PCSK1: variants seen among roughly 807,000 people sequenced by gnomAD.
The protein encoded by PCSK1 is proprotein convertase subtilisin/kexin type 1, also known as neuroendocrine convertase 1.
Under a neutral mutation model 90.6 loss-of-function variants are expected in PCSK1, and 56 were observed. That is an observed-to-expected ratio of 0.62 (90% CI 0.50 to 0.77). PCSK1 has a LOEUF of 0.77. Among genes scored for constraint, PCSK1 ranks in the 30% least tolerant of loss-of-function variants. The pLI is 0.00. For missense variants in PCSK1, 801 were observed against 932.6 expected (o/e 0.86, Z 1.84); for synonymous variants, 348 against 342.4 (o/e 1.02, Z -0.18).
chr5:96,406,853 C>A (rs1380075610), intron 9 of PCSK1, among the ~76,000 whole-genome samples: 1 of 152,138 alleles, frequency 6.6e-6, no homozygotes, highest in African/African-American at 2.4e-5. Flanking sequence ...ACCATAGCAC[C>A]TGACTTGACA....
Position 96,433,243 on chromosome 5 carries a change from C to A in PCSK1, c.-201G>T. On this transcript the variant is annotated 5_prime_UTR_variant, in exon 1 of 14. Coordinates refer to ENST00000311106, the MANE Select transcript of PCSK1 (RefSeq NM_000439.5). Reference sequence around the variant, plus strand: ...TCAGTGAAGCGCTTCGGTCTCCAGGCTGAGTGGAGCCCCAGCCCTTCCCAG... The same window carrying A: ...TCAGTGAAGCGCTTCGGTCTCCAGGATGAGTGGAGCCCCAGCCCTTCCCAG... The A allele has an allele frequency of 1.6e-6, 1 of 614,672 alleles. No homozygotes were observed. Among genetic ancestry groups the A allele is most frequent in the South Asian group, 1.9e-5 (1 of 53,800 alleles). 38.1% of individuals were successfully genotyped at this position (614,672 alleles called of 1,614,324 possible).
intron 1 of PCSK1, among the ~76,000 whole-genome samples, chr5:96,431,214 G>C (rs749283028): frequency 1.3e-5 from 2 of 152,112 alleles, no homozygotes; most frequent in Middle Eastern, 3.2e-3. Flanking sequence ...TAATAATTGC[G>C]TGCAATTCCC....
At chr5:96,426,499 G>A (rs1163582752) in intron 2 of PCSK1, among the ~76,000 whole-genome samples, 1 of 152,030 alleles carries the variant, frequency 6.6e-6, no homozygotes, top group Non-Finnish European at 1.5e-5. Flanking sequence ...ACAGATCCTG[G>A]GTGATGAATG....
intron 6 of PCSK1, chr5:96,412,995 C>T (rs1257243531): frequency 1.0e-6 from 1 of 993,152 alleles, no homozygotes; most frequent in East Asian, 1.1e-4. Flanking sequence ...ATGGCTGTGG[C>T]CCAGTCTACG....
At chr5:96,421,394 C>T (rs1761124542) in intron 5 of PCSK1, among the ~76,000 whole-genome samples, 1 of 72,334 alleles carries the variant, frequency 1.4e-5, no homozygotes, top group South Asian at 4.4e-4. Flanking sequence ...ACCTCAGAGG[C>T]ATTTCTCTGT....
At position 96,408,283 on chromosome 5, in the gene PCSK1, G is replaced by A; in HGVS notation, c.1136C>T (p.Thr379Ile). 1 of 1,614,104 alleles carries A rather than the reference G, an allele frequency of 6.2e-7. No individual in the cohort carries two copies. The highest frequency in any genetic ancestry group is 8.5e-7 in the Non-Finnish European group (1 of 1,179,970). The change falls in exon 9 of 14, where the codon ACA becomes ATA. Residue 379 changes from threonine (T) to isoleucine (I), a missense_variant. By Grantham distance (89) the Thr-to-Ile change is moderately conservative (BLOSUM62 -1). Transcript: ENST00000311106. Reference sequence around the variant, plus strand: ...CAGAGGTGCAGAGGCCGAGGTGCCTGTGTGCGTCTCCGTGCAGTCATTGTG... The same window carrying A: ...CAGAGGTGCAGAGGCCGAGGTGCCTATGTGCGTCTCCGTGCAGTCATTGTG... ...DLHNDCTETH[T>I]GTSASAPLAA...
intron 5 of PCSK1, among the ~76,000 whole-genome samples, chr5:96,416,760 C>CCCCAGG (rs1760949838): frequency 1.3e-5 from 2 of 152,160 alleles, no homozygotes; most frequent in African/African-American, 4.8e-5. Context: ...TCCTGAAATC[C>CCCCAGG]CAACTGGGGC....
chr5:96,408,243 G>T lies in PCSK1; in HGVS notation c.1176C>A (p.Phe392Leu), dbSNP rs984628674. 5 of 1,613,846 alleles carry T rather than the reference G, an allele frequency of 3.1e-6. No homozygotes were observed. In the South Asian group the frequency reaches 5.5e-5, roughly 18 times the overall value. ...SASAPLAAGI[F>L]ALALEANPNL... Reference sequence around the variant, plus strand: ...CTTACTTTGCTTCCAGGGCCAGAGCGAAGATGCCAGCAGCCAGAGGTGCAG... The same window carrying T: ...CTTACTTTGCTTCCAGGGCCAGAGCTAAGATGCCAGCAGCCAGAGGTGCAG... The change falls in exon 9 of 14, where the codon TTC becomes TTA. Residue 392 changes from phenylalanine (F) to leucine (L), a missense_variant. By Grantham distance (22) the Phe-to-Leu change is conservative (BLOSUM62 0). Transcript: ENST00000311106.
Position 96,423,320 on chromosome 5 carries a change from G to A in PCSK1, c.536C>T (p.Ala179Val). ...GLEWNHTDIY[A>V]NYDPEASYDF... Reference sequence around the variant, plus strand: ...GAGAAGGCACACACTTACATAGTTGGCATAAATGTCCGTGTGATTCCACTC... The same window carrying A: ...GAGAAGGCACACACTTACATAGTTGACATAAATGTCCGTGTGATTCCACTC... The change falls in exon 4 of 14, where the codon GCC (alanine) becomes GTC (valine). Residue 179 changes from alanine to valine, a missense_variant. Physicochemically the swap from Ala to Val is moderately conservative, Grantham distance 64. Coordinates refer to ENST00000311106, the MANE Select transcript of PCSK1 (RefSeq NM_000439.5). 1.9e-6 allele frequency: 3 copies of A among 1,608,686 alleles called. No homozygotes were observed. Among genetic ancestry groups the A allele is most frequent in the Non-Finnish European group, 2.5e-6 (3 of 1,177,094 alleles).
chr5:96,427,565 T>G (rs894363164), intron 2 of PCSK1, among the ~76,000 whole-genome samples: 7 of 152,166 alleles, frequency 4.6e-5, no homozygotes, highest in Non-Finnish European at 1.0e-4. Flanking sequence ...ATTCTTAGCA[T>G]TTTTTCATAA....
At chr5:96,410,739 A>G in intron 8 of PCSK1, 35 bp downstream of exon 8, 1 of 1,521,268 alleles carries the variant, frequency 6.6e-7, no homozygotes, top group South Asian at 1.1e-5. Context: ...ACGCTCTCCT[A>G]ACTAAGCAGA....
intron 5 of PCSK1, 59 bp from the exon 6 acceptor site, chr5:96,416,180 T>G: frequency 8.6e-7 from 1 of 1,158,184 alleles, no homozygotes; most frequent in East Asian, 2.3e-5. Flanking sequence ...TTGTTTTGCA[T>G]ATGAATGAAT....
Position 96,398,963 on chromosome 5 carries a change from T to G in PCSK1, c.1504A>C (p.Lys502Gln). 6.2e-7 allele frequency: 1 copy of G among 1,611,932 alleles called. No homozygotes were observed. The highest frequency in any genetic ancestry group is 1.3e-5 in the African/African-American group (1 of 75,012). The change falls in exon 11 of 14, where the codon AAG becomes CAG. Residue 502 changes from lysine (K) to glutamine (Q), a missense_variant. By Grantham distance (53) the Lys-to-Gln change is moderately conservative. Coordinates refer to ENST00000311106, the MANE Select transcript of PCSK1 (RefSeq NM_000439.5). Reference sequence around the variant, plus strand: ...TCAAATTGTACATGCTCCAGGGACTTGATAGCATTTTCTTGTCCTTCACAA... The same window carrying G: ...TCAAATTGTACATGCTCCAGGGACTGGATAGCATTTTCTTGTCCTTCACAA... The part of the protein sequence containing the change: ...RACEGQENAI[K>Q]SLEHVQFEAT...
At chr5:96,419,384 TTA>T (rs10532274) in intron 5 of PCSK1, among the ~76,000 whole-genome samples, 54,940 of 143,878 alleles carry the variant, frequency 0.38, 11,006 homozygotes, top group African/African-American at 0.46. Flanking sequence ...ATAATACTTA[TTA>T]TATATATATA....
rs752976241 is a variant in PCSK1 at position 96,432,924 on chromosome 5, G to T, written c.119C>A (p.Pro40His). The T allele has an allele frequency of 3.1e-6, 5 of 1,614,172 alleles. No individual in the cohort carries two copies. The South Asian group carries it at 5.5e-5, about 18-fold the overall frequency. ...GGCCGAGGCTGCTTCCGGGCCCCCG[G>T]GGATCTCCGCTGCCCATTCATTGAC... ...QFVNEWAAEI[P>H]GGPEAASAIA... Residue 40 changes from proline (P) to histidine (H), a missense_variant, in exon 1 of 14, where the codon CCC becomes CAC. Physicochemically the swap from Pro to His is moderately conservative, Grantham distance 77. Transcript: ENST00000311106.
chr5:96,397,215 A>C (rs940990369), intron 12 of PCSK1, 121 bp downstream of exon 12: 2 of 836,792 alleles, frequency 2.4e-6, no homozygotes, highest in Non-Finnish European at 4.0e-6. Context: ...CTTTTCCCTT[A>C]CTTCTACTAA....
chr5:96,401,990 C>T (rs1760392602), intron 9 of PCSK1, among the ~76,000 whole-genome samples: 1 of 152,102 alleles, frequency 6.6e-6, no homozygotes. Flanking sequence ...TGTATTGTTC[C>T]CTGAAGCCAA....
intron 5 of PCSK1, among the ~76,000 whole-genome samples, chr5:96,419,891 C>T (rs2112435118): frequency 6.6e-6 from 1 of 152,088 alleles, no homozygotes; most frequent in South Asian, 2.1e-4. Flanking sequence ...GGAAAAACTC[C>T]AGAGAATGTC....
chr5:96,423,125 T>C (rs893977492), intron 4 of PCSK1, among the ~76,000 whole-genome samples, 188 bp downstream of exon 4: 3 of 152,178 alleles, frequency 2.0e-5, no homozygotes, highest in Admixed American at 2.0e-4. Context: ...CACTGAATTA[T>C]TTCAATGCCC....
Sources: allele counts gnomAD v4.1 joint callset (sites outside exome capture counted in the v4.1 genomes callset), GRCh38; gene constraint gnomAD v4.1.1; transcripts MANE v1.5; gene names NCBI Gene and HGNC (gene_info 2026-07-23, HGNC 2026-07-21).